The following THSD7B variants were observed in gnomAD, a reference collection of about 807,000 sequenced individuals.
THSD7B encodes the protein thrombospondin type 1 domain containing 7B, also known as thrombospondin type-1 domain-containing protein 7B.
A neutral mutation model predicts 213.6 loss-of-function variants in THSD7B; 138 were observed. The observed-to-expected ratio is 0.65, with a 90% CI of 0.56 to 0.74. THSD7B has a LOEUF of 0.74. Ranked by LOEUF, THSD7B falls within the 30% of genes least tolerant of loss-of-function variation. The pLI is 0.00. For missense variants in THSD7B, 1,931 were observed against 1,991.5 expected (o/e 0.97, Z 0.58); for synonymous variants, 742 against 687.0 (o/e 1.08, Z -1.25).
intron 1 of THSD7B, among the ~76,000 whole-genome samples, chr2:136,851,668 G>A (rs773192190): frequency 6.6e-6 from 1 of 151,920 alleles, no homozygotes; most frequent in Non-Finnish European, 1.5e-5. Flanking sequence ...GCCTAGAGAG[G>A]GATGTTTTTC....
intron 12 of THSD7B, among the ~76,000 whole-genome samples, chr2:137,392,524 CTG>C (rs776055013): frequency 6.6e-6 from 1 of 151,996 alleles, no homozygotes; most frequent in Non-Finnish European, 1.5e-5. Flanking sequence ...TTTTCATAAA[CTG>C]TTTTTTATTT....
chr2:136,769,418 T>C (rs1681466800), intron 1 of THSD7B, among the ~76,000 whole-genome samples: 1 of 152,314 alleles, frequency 6.6e-6, no homozygotes, highest in African/African-American at 2.4e-5. Context: ...GAAAATCAGA[T>C]ATTAGTGAAA....
intron 16 of THSD7B, among the ~76,000 whole-genome samples, chr2:137,571,158 C>A (rs1348558753): frequency 6.6e-6 from 1 of 152,184 alleles, no homozygotes. Context: ...TTTCTGACTT[C>A]TGACACCCTA....
At chr2:137,404,644 T>C (rs1005098241) in intron 12 of THSD7B, among the ~76,000 whole-genome samples, 1 of 150,992 alleles carries the variant, frequency 6.6e-6, no homozygotes, top group African/African-American at 2.4e-5. Context: ...ATAGTGTATA[T>C]ATAATATATA....
chr2:136,834,071 A>G (rs988259612), intron 1 of THSD7B, among the ~76,000 whole-genome samples: 2 of 152,174 alleles, frequency 1.3e-5, no homozygotes, highest in African/African-American at 2.4e-5. Context: ...CAGCAGTATG[A>G]TGATATATCA....
rs531253009 is a variant in THSD7B, at chr2:137,066,897, T to C, written c.950+9667T>C. ...TCTTTTAAGTCTTTTTTAATCCTCT[T>C]TGAATTTCAGTTTTAGAAGTTGCTA... On this transcript the variant is annotated intron_variant, in intron 3 of 27. Transcript: ENST00000409968. Among the ~76,000 whole-genome samples the C allele has an allele frequency of 7.2e-5, 11 of 152,246 alleles. No homozygotes were observed. The East Asian group carries it at 2.1e-3, about 29-fold the overall frequency.
chr2:137,316,254 A>C (rs1376820395), intron 12 of THSD7B, among the ~76,000 whole-genome samples: 1 of 152,268 alleles, frequency 6.6e-6, no homozygotes, highest in Non-Finnish European at 1.5e-5. Flanking sequence ...AAAACTAGGA[A>C]GTTGTAGAAC....
At chr2:137,343,189 G>A (rs1367172688) in intron 12 of THSD7B, among the ~76,000 whole-genome samples, 1 of 148,192 alleles carries the variant, frequency 6.7e-6, no homozygotes, top group Non-Finnish European at 1.5e-5. Flanking sequence ...TGTTTTGATT[G>A]ACTTTTTTGC....
At chr2:137,010,405 G>A (rs1686207987) in intron 2 of THSD7B, among the ~76,000 whole-genome samples, 1 of 152,170 alleles carries the variant, frequency 6.6e-6, no homozygotes, top group Admixed American at 6.5e-5. Flanking sequence ...TCCATGACCT[G>A]CTATTTTCTT....
intron 5 of THSD7B, among the ~76,000 whole-genome samples, chr2:137,121,304 A>C (rs1344199434): frequency 1.3e-5 from 2 of 152,340 alleles, no homozygotes; most frequent in East Asian, 3.9e-4. Context: ...TTTGAGGAGA[A>C]AGCCTAGCAC....
At chr2:136,872,828 A>AAAAAAAAAAG (rs1683456409) in intron 1 of THSD7B, among the ~76,000 whole-genome samples, 1 of 147,470 alleles carries the variant, frequency 6.8e-6, no homozygotes, top group Non-Finnish European at 1.5e-5. Context: ...AAAAAAAAAA[A>AAAAAAAAAAG]AAAAAAAAAA....
chr2:136,794,338 G>A (rs1450553916), intron 1 of THSD7B, among the ~76,000 whole-genome samples: 1 of 151,472 alleles, frequency 6.6e-6, no homozygotes, highest in African/African-American at 2.4e-5. Flanking sequence ...ATATATACAT[G>A]TAAAGCCAAA....
intron 13 of THSD7B, among the ~76,000 whole-genome samples, chr2:137,411,358 ATCT>A (rs1423670449): frequency 6.6e-6 from 1 of 152,322 alleles, no homozygotes; most frequent in East Asian, 1.9e-4. Flanking sequence ...TGTAGCAAAC[ATCT>A]TCTAAATATT....
At chr2:137,473,421 G>A (rs1282008679) in intron 15 of THSD7B, among the ~76,000 whole-genome samples, 1 of 151,984 alleles carries the variant, frequency 6.6e-6, no homozygotes, top group Non-Finnish European at 1.5e-5. Context: ...TGTTAGCCAG[G>A]ATGGTCTCTA....
chr2:136,835,719 T>A lies in THSD7B; in HGVS notation c.-35-46425T>A, dbSNP rs528250472. Among the ~76,000 whole-genome samples, 19 of 152,306 alleles carry A rather than the reference T, an allele frequency of 1.2e-4. 1 individual carries two copies. In the South Asian group the frequency reaches 3.1e-3, roughly 25 times the overall value. ...CTTGTACTTCAGTTTCCTCACAAAG[T>A]GGAGAAATGAAAGATTAATATATAT... is the stretch of plus-strand genomic sequence containing the variant. On this transcript the variant is annotated intron_variant, in intron 1 of 27. Coordinates refer to ENST00000409968, the MANE Select transcript of THSD7B (RefSeq NM_001316349.2).
At chr2:137,327,117 A>G (rs1684389276) in intron 12 of THSD7B, among the ~76,000 whole-genome samples, 1 of 152,188 alleles carries the variant, frequency 6.6e-6, no homozygotes, top group East Asian at 1.9e-4. Context: ...ATGAAGGCTT[A>G]GTGTACTTTT....
At chr2:137,563,394 G>A in intron 16 of THSD7B, 40 bp downstream of exon 16, 1 of 1,605,322 alleles carries the variant, frequency 6.2e-7, no homozygotes, top group Non-Finnish European at 8.5e-7. Context: ...AGGGGGAAGT[G>A]GAACTTATAC....
chr2:137,486,991 G>A lies in THSD7B; in HGVS notation c.3138+35968G>A, dbSNP rs534367237. On this transcript the variant is annotated intron_variant, in intron 15 of 27. Transcript: ENST00000409968. ...CCAGAATCTCTGGGACACATTCAAA[G>A]CAGTGTGTAGAGGGAAATTTATAGC... Among the ~76,000 whole-genome samples the A allele has an allele frequency of 1.5e-4, 23 of 152,038 alleles. No individual in the cohort carries two copies. In the South Asian group the frequency reaches 2.1e-3, roughly 14 times the overall value.
At chr2:137,439,130 C>T (rs192720962) in intron 14 of THSD7B, among the ~76,000 whole-genome samples, 351 of 152,210 alleles carry the variant, frequency 2.3e-3, no homozygotes, top group African/African-American at 7.4e-3. Flanking sequence ...TTCTAGAATG[C>T]ACCAAAATGA....
Sources: allele counts gnomAD v4.1 joint callset (sites outside exome capture counted in the v4.1 genomes callset), GRCh38; gene constraint gnomAD v4.1.1; transcripts MANE v1.5; gene names NCBI Gene and HGNC (gene_info 2026-07-23, HGNC 2026-07-21).